PARD3B: variants seen among roughly 807,000 people sequenced by gnomAD.
PARD3B encodes the protein par-3 family cell polarity regulator beta.
Under a neutral mutation model 130.2 loss-of-function variants are expected in PARD3B, and 103 were observed. That is an observed-to-expected ratio of 0.79 (90% CI 0.67 to 0.93). The LOEUF (loss-of-function observed/expected upper bound fraction) is 0.93, where lower values mean the gene tolerates loss of function less well. PARD3B is among the 40% of genes least tolerant of loss of function. PARD3B has a pLI of 0.00. For missense variants in PARD3B, 1,609 were observed against 1,499.2 expected (o/e 1.07, Z -1.21); for synonymous variants, 583 against 553.2 (o/e 1.05, Z -0.76).
chr2:205,523,255 A>C (rs2051171952), intron 21 of PARD3B, among the ~76,000 whole-genome samples: 2 of 147,386 alleles, frequency 1.4e-5, no homozygotes, highest in African/African-American at 5.0e-5. Context: ...ATATATATAT[A>C]TATTTTTGAG....
intron 18 of PARD3B, among the ~76,000 whole-genome samples, chr2:205,305,625 G>C (rs1473626457): frequency 6.6e-6 from 1 of 152,190 alleles, no homozygotes. Flanking sequence ...GGATGGAGTT[G>C]AGAGGTGAAA....
chr2:205,583,470 ACAT>A (rs1205454006), intron 22 of PARD3B, among the ~76,000 whole-genome samples: 2 of 152,264 alleles, frequency 1.3e-5, no homozygotes, highest in African/African-American at 4.8e-5. Flanking sequence ...TTGAGAATAG[ACAT>A]CATGATGGTG....
At chr2:204,644,229 T>C (rs909523241) in intron 1 of PARD3B, among the ~76,000 whole-genome samples, 1 of 152,178 alleles carries the variant, frequency 6.6e-6, no homozygotes, top group Non-Finnish European at 1.5e-5. Context: ...TATGTTTTCA[T>C]GGGGACACAT....
At chr2:205,180,112 T>A (rs1328459323) in intron 13 of PARD3B, among the ~76,000 whole-genome samples, 1 of 151,810 alleles carries the variant, frequency 6.6e-6, no homozygotes, top group African/African-American at 2.4e-5. Flanking sequence ...TTTCTCTTTC[T>A]TCCAAAGTGA....
intron 20 of PARD3B, among the ~76,000 whole-genome samples, chr2:205,457,093 A>G (rs1303419622): frequency 6.6e-6 from 1 of 151,732 alleles, no homozygotes; most frequent in African/African-American, 2.4e-5. Flanking sequence ...ATTTGTTAGA[A>G]TTTTCCAGTG....
intron 2 of PARD3B, among the ~76,000 whole-genome samples, chr2:204,797,706 A>T (rs1375361063): frequency 4.6e-5 from 7 of 152,258 alleles, no homozygotes; most frequent in Admixed American, 4.6e-4. Flanking sequence ...TGAACATCAT[A>T]CATTTCTGAA....
At chr2:204,707,094 G>T (rs1416416078) in intron 2 of PARD3B, among the ~76,000 whole-genome samples, 4 of 152,190 alleles carry the variant, frequency 2.6e-5, no homozygotes, top group Non-Finnish European at 4.4e-5. Flanking sequence ...AGCAGCTGCT[G>T]TGATGTCTGA....
intron 3 of PARD3B, among the ~76,000 whole-genome samples, chr2:205,010,457 C>G (rs1385383870): frequency 1.3e-5 from 2 of 152,194 alleles, no homozygotes; most frequent in African/African-American, 4.8e-5. Flanking sequence ...TTCATAGTTT[C>G]TCATTTCTGG....
intron 16 of PARD3B, among the ~76,000 whole-genome samples, chr2:205,257,604 A>G (rs2040144628): frequency 6.6e-6 from 1 of 152,196 alleles, no homozygotes; most frequent in Non-Finnish European, 1.5e-5. Flanking sequence ...AAAATTATAT[A>G]TTTAAATTAA....
chr2:205,221,872 T>G (rs1045294373), intron 15 of PARD3B, among the ~76,000 whole-genome samples: 10 of 152,112 alleles, frequency 6.6e-5, no homozygotes, highest in African/African-American at 2.4e-4. Flanking sequence ...AACTCTTATT[T>G]CTGAGAGTAT....
intron 19 of PARD3B, among the ~76,000 whole-genome samples, chr2:205,425,568 A>G (rs1200381340): frequency 7.3e-6 from 1 of 137,534 alleles, no homozygotes; most frequent in African/African-American, 2.7e-5. Flanking sequence ...AAAAAAAAAA[A>G]CAACAACATT....
At position 205,057,657 on chromosome 2, in the gene PARD3B, G is replaced by GTATATATA. The variant is rs138069446; in HGVS notation, c.504+9969_504+9970insTATATATA. Among the ~76,000 whole-genome samples, 50 of 70,508 alleles carry GTATATATA rather than the reference G, an allele frequency of 7.1e-4. 7 individuals are homozygous for GTATATATA. The highest frequency in any genetic ancestry group is 2.0e-3 in the East Asian group (5 of 2,460). The allele number at this position is 70,508 out of a possible 152,430, so 46.3% of individuals were successfully genotyped here. ...TATACATATATGTGTATGTGTATAC[G>GTATATATA]TACATATACATATATGTGTATGTGT... is the stretch of plus-strand genomic sequence containing the variant. On this transcript the variant is annotated intron_variant, in intron 4 of 22. Transcript: ENST00000406610.
chr2:205,481,104 A>T (rs778130131), intron 20 of PARD3B, among the ~76,000 whole-genome samples: 6 of 152,132 alleles, frequency 3.9e-5, no homozygotes, highest in Non-Finnish European at 7.4e-5. Flanking sequence ...GGCCATGTAG[A>T]CCCTGGGGAA....
At chr2:204,547,102 G>A (rs975957717) in intron 1 of PARD3B, among the ~76,000 whole-genome samples, 3 of 152,164 alleles carry the variant, frequency 2.0e-5, no homozygotes, top group Non-Finnish European at 2.9e-5. Context: ...CGTGCCATGT[G>A]ACTAAAATAG....
intron 22 of PARD3B, among the ~76,000 whole-genome samples, chr2:205,607,942 G>A (rs1215919103): frequency 1.3e-5 from 2 of 151,262 alleles, no homozygotes; most frequent in African/African-American, 4.9e-5. Context: ...TGGTGAAGAG[G>A]GATTCTAATA....
chr2:204,710,483 C>T lies in PARD3B; in HGVS notation c.222+24201C>T, dbSNP rs78116387. 0.012 allele frequency among the ~76,000 whole-genome samples: 1,876 copies of T among 152,256 alleles called. 74 individuals are homozygous for T. The East Asian group carries it at 0.14, about 11-fold the overall frequency. On this transcript the variant is annotated intron_variant, in intron 2 of 22. Transcript: ENST00000406610. ...GATAGGTTTTTAAGAGCTGGACTTG[C>T]AGTCATTTGAAGAAATGTGAGGCAT...
At chr2:204,905,532 C>G (rs2047013211) in intron 2 of PARD3B, among the ~76,000 whole-genome samples, 1 of 152,170 alleles carries the variant, frequency 6.6e-6, no homozygotes, top group Admixed American at 6.5e-5. Flanking sequence ...CTCTGGATCA[C>G]TAAATGTAAC....
rs540433631 is a variant in PARD3B at position 205,093,216 on chromosome 2, G to A, written c.505-11210G>A. 3.9e-5 allele frequency among the ~76,000 whole-genome samples: 6 copies of A among 152,214 alleles called. No homozygotes were observed. In the East Asian group the frequency reaches 1.2e-3, roughly 29 times the overall value. ...GTCATAAATATATATTCTATTGAAA[G>A]TTAACTAAGACCCTTTAAGGAAAAG... On this transcript the variant is annotated intron_variant, in intron 4 of 22. Coordinates refer to ENST00000406610, the MANE Select transcript of PARD3B (RefSeq NM_001302769.2).
intron 19 of PARD3B, among the ~76,000 whole-genome samples, chr2:205,435,296 A>C (rs1196486309): frequency 6.6e-6 from 1 of 151,984 alleles, no homozygotes; most frequent in Non-Finnish European, 1.5e-5. Flanking sequence ...GAATAGTATG[A>C]CCCTATGTTC....
Sources: allele counts gnomAD v4.1 joint callset (sites outside exome capture counted in the v4.1 genomes callset), GRCh38; gene constraint gnomAD v4.1.1; transcripts MANE v1.5; gene names NCBI Gene and HGNC (gene_info 2026-07-23, HGNC 2026-07-21).